ARID2: variants seen among roughly 807,000 people sequenced by gnomAD.
ARID2 encodes the protein AT-rich interaction domain 2.
In ARID2, 32 loss-of-function variants were observed where a neutral mutation model predicts 184.6. The observed-to-expected ratio is 0.17, with a 90% CI of 0.13 to 0.23. The LOEUF is 0.23. Ranked by LOEUF, ARID2 falls within the 10% of genes least tolerant of loss-of-function variation. The pLI, the probability that ARID2 is intolerant of heterozygous loss-of-function variation, is 1.00. For synonymous variants in ARID2, 836 were observed against 772.6 expected (o/e 1.08, Z -1.36); for missense variants, 1,696 against 2,197.6 (o/e 0.77, Z 4.56).
intron 16 of ARID2, among the ~76,000 whole-genome samples, chr12:45,870,329 A>T (rs1170618455): frequency 6.6e-6 from 1 of 152,102 alleles, no homozygotes; most frequent in East Asian, 1.9e-4. Flanking sequence ...TTATGGAAAA[A>T]TCGAGCAGAC....
chr12:45,794,150 G>GTT (rs1359476442), intron 3 of ARID2, among the ~76,000 whole-genome samples: 1 of 152,128 alleles, frequency 6.6e-6, no homozygotes, highest in Admixed American at 6.5e-5. Flanking sequence ...ACACGTTTCT[G>GTT]TTCATCTTCC....
chr12:45,875,087 A>G (rs982396118), intron 16 of ARID2, among the ~76,000 whole-genome samples: 1 of 152,186 alleles, frequency 6.6e-6, no homozygotes, highest in Non-Finnish European at 1.5e-5. Context: ...GTACCACTAC[A>G]CTCCATCCTC....
At chr12:45,809,203 C>CCACAA (rs1942658147) in intron 3 of ARID2, among the ~76,000 whole-genome samples, 1 of 152,192 alleles carries the variant, frequency 6.6e-6, no homozygotes, top group Admixed American at 6.5e-5. Context: ...TATCTGTAGT[C>CCACAA]TGTTTTAACC....
At chr12:45,762,551 T>C (rs1941701971) in intron 3 of ARID2, among the ~76,000 whole-genome samples, 1 of 152,228 alleles carries the variant, frequency 6.6e-6, no homozygotes, top group Non-Finnish European at 1.5e-5. Flanking sequence ...CATCAGTGAG[T>C]AGACTCTGGC....
chr12:45,889,769 C>T (rs1944263335), intron 16 of ARID2, among the ~76,000 whole-genome samples: 1 of 152,364 alleles, frequency 6.6e-6, no homozygotes, highest in South Asian at 2.1e-4. Context: ...GAAACCCCGT[C>T]TTGCCTAAAA....
At chr12:45,896,398 C>T (rs1214159280) in intron 20 of ARID2, among the ~76,000 whole-genome samples, 3 of 152,162 alleles carry the variant, frequency 2.0e-5, no homozygotes, top group Non-Finnish European at 4.4e-5. Context: ...CTCTTGAATT[C>T]CCACATGTTG....
Position 45,848,829 on chromosome 12 carries a change from CT to C in ARID2, c.1581-3del, listed in dbSNP as rs1311825184. 2 of 1,609,076 alleles carry C rather than the reference CT, an allele frequency of 1.2e-6. No individual in the cohort carries two copies. The highest frequency in any genetic ancestry group is 8.5e-7 in the Non-Finnish European group (1 of 1,177,316). On this transcript the variant is annotated splice_polypyrimidine_tract_variant and splice_region_variant and intron_variant, in intron 12 of 20. Transcript: ENST00000334344. ...TTGTATAATGCTTAATTTTTCTCCTCTTTTAGGCTAAATGCTCATTTTGAAG... is the reference window on the plus strand; with the variant it reads ...TTGTATAATGCTTAATTTTTCTCCTCTTTAGGCTAAATGCTCATTTTGAAG...
intron 6 of ARID2, among the ~76,000 whole-genome samples, chr12:45,836,031 G>C (rs1943215404): frequency 6.6e-6 from 1 of 152,004 alleles, no homozygotes; most frequent in African/African-American, 2.4e-5. Context: ...AGTCGTCTGT[G>C]GCCCTCAGGT....
At chr12:45,801,189 G>A (rs1287528191) in intron 3 of ARID2, among the ~76,000 whole-genome samples, 4 of 152,004 alleles carry the variant, frequency 2.6e-5, no homozygotes, top group Non-Finnish European at 5.9e-5. Context: ...GTAGGCGCCC[G>A]TAGTCGCAGC....
chr12:45,795,770 T>C (rs1942382367), intron 3 of ARID2, among the ~76,000 whole-genome samples: 1 of 152,030 alleles, frequency 6.6e-6, no homozygotes, highest in Non-Finnish European at 1.5e-5. Context: ...ATCTTGTTTG[T>C]TCTTCTCTTC....
intron 3 of ARID2, among the ~76,000 whole-genome samples, chr12:45,763,746 C>T (rs1941722573): frequency 1.3e-5 from 2 of 152,174 alleles, no homozygotes; most frequent in African/African-American, 4.8e-5. Context: ...CCACCTTGGC[C>T]TCCCAAAATG....
At chr12:45,813,016 T>C (rs1942739086) in intron 4 of ARID2, among the ~76,000 whole-genome samples, 1 of 152,210 alleles carries the variant, frequency 6.6e-6, no homozygotes, top group Non-Finnish European at 1.5e-5. Context: ...ATATTTTTGG[T>C]ATTTCGGAAG....
chr12:45,734,329 A>G (rs1387555306), intron 3 of ARID2, among the ~76,000 whole-genome samples: 1 of 152,214 alleles, frequency 6.6e-6, no homozygotes, highest in Admixed American at 6.5e-5. Context: ...AGATCGTGCT[A>G]CTGCACTCTA....
intron 16 of ARID2, among the ~76,000 whole-genome samples, chr12:45,883,813 C>G (rs1400472866): frequency 6.6e-6 from 1 of 151,818 alleles, no homozygotes; most frequent in Admixed American, 6.6e-5. Context: ...GTTCAAAGAG[C>G]AGTCATGGGA....
intron 11 of ARID2, among the ~76,000 whole-genome samples, chr12:45,843,490 C>T (rs1343549414): frequency 6.6e-6 from 1 of 151,904 alleles, no homozygotes; most frequent in African/African-American, 2.4e-5. Context: ...CCTCAGCCTC[C>T]TGAGTAACTG....
At chr12:45,782,544 A>G (rs1942114058) in intron 3 of ARID2, among the ~76,000 whole-genome samples, 1 of 152,118 alleles carries the variant, frequency 6.6e-6, no homozygotes, top group African/African-American at 2.4e-5. Context: ...GGGCAGGAGA[A>G]TCACTTGAAC....
chr12:45,869,298 C>T (rs974358222), intron 16 of ARID2, among the ~76,000 whole-genome samples: 3 of 151,786 alleles, frequency 2.0e-5, no homozygotes, highest in Non-Finnish European at 1.5e-5. Context: ...TACAGGCGTG[C>T]GCCACCGTGC....
At chr12:45,861,643 G>A (rs1241771791) in intron 16 of ARID2, among the ~76,000 whole-genome samples, 1 of 147,694 alleles carries the variant, frequency 6.8e-6, no homozygotes, top group African/African-American at 2.5e-5. Context: ...GGAGTGCAGT[G>A]GCGCTATCTC....
At chr12:45,836,230 G>A (rs1245940365) in intron 6 of ARID2, among the ~76,000 whole-genome samples, 1 of 152,110 alleles carries the variant, frequency 6.6e-6, no homozygotes, top group East Asian at 1.9e-4. Context: ...TTAATTTTGA[G>A]ATGGGGTCTC....
Sources: allele counts gnomAD v4.1 joint callset (sites outside exome capture counted in the v4.1 genomes callset), GRCh38; gene constraint gnomAD v4.1.1; transcripts MANE v1.5; gene names NCBI Gene and HGNC (gene_info 2026-07-23, HGNC 2026-07-21).